PRRC2C: variants seen among roughly 807,000 people sequenced by gnomAD.
PRRC2C encodes the protein proline rich coiled-coil 2C.
PRRC2C carries 72 observed loss-of-function variants against 317.2 expected under a neutral mutation model. The ratio of observed to expected loss-of-function variants is 0.23; its 90% CI spans 0.19 to 0.28. The LOEUF is 0.28. Ranked by LOEUF, PRRC2C falls within the 10% of genes least tolerant of loss-of-function variation. The pLI is 1.00. For missense variants in PRRC2C, 3,074 were observed against 3,459.7 expected, an observed-to-expected ratio of 0.89 and a Z score of 2.80; for synonymous variants, 1,296 against 1,205.9, an observed-to-expected ratio of 1.07 and a Z score of -1.55.
intron 4 of PRRC2C, 149 bp downstream of exon 4, chr1:171,514,794 C>A: frequency 1.5e-6 from 1 of 688,438 alleles, no homozygotes; most frequent in Non-Finnish European, 2.4e-6. Context: ...TTTAAAAAAT[C>A]TCTTGGGCTA....
rs1677840426 is a variant in PRRC2C, at chr1:171,540,944, G to T, written c.3478G>T (p.Ala1160Ser). 1 of 1,613,770 alleles carries T rather than the reference G, an allele frequency of 6.2e-7. No individual in the cohort carries two copies. The highest frequency in any genetic ancestry group is 1.3e-5 in the African/African-American group (1 of 74,902). Residue 1160 changes from alanine to serine, a missense_variant, in exon 16 of 35, where the codon GCA (alanine) becomes TCA (serine). Ala to Ser is a moderately conservative substitution (Grantham distance 99). Transcript: ENST00000647382. ...IERPRPDSRP[A>S]VKKESTLPPR... ...GAGGCCTCGACCAGATTCAAGACCA[G>T]CAGTTAAAAAAGAATCAACTTTGCC...
chr1:171,502,268 G>C (rs1324031482), intron 1 of PRRC2C, among the ~76,000 whole-genome samples: 2 of 152,212 alleles, frequency 1.3e-5, no homozygotes, highest in African/African-American at 4.8e-5. Flanking sequence ...TGTGGGTACA[G>C]TTTAGAGACA....
intron 17 of PRRC2C, among the ~76,000 whole-genome samples, chr1:171,549,855 C>T (rs1182287000): frequency 6.6e-6 from 1 of 152,262 alleles, no homozygotes; most frequent in East Asian, 1.9e-4. Flanking sequence ...AGCCACTGCA[C>T]CTGGCCAGTT....
Position 171,530,570 on chromosome 1 carries a change from T to C in PRRC2C, c.1255-1773T>C, listed in dbSNP as rs187039709. 1.4e-4 allele frequency among the ~76,000 whole-genome samples: 21 copies of C among 152,198 alleles called. No homozygotes were observed. In the South Asian group the frequency reaches 4.4e-3, roughly 32 times the overall value. On this transcript the variant is annotated intron_variant, in intron 11 of 34. Transcript: ENST00000647382. ...CTGGGCCGTATTTTTATTTTTTTTT[T>C]AATATCTTACAACTCAATAATACGT...
chr1:171,591,090 T>C, intron 34 of PRRC2C: 1 of 762,748 alleles, frequency 1.3e-6, no homozygotes, highest in Non-Finnish European at 1.6e-6. Context: ...TGGTAGGAGC[T>C]ATCAGAACTT....
chr1:171,566,542 A>G, intron 21 of PRRC2C, 50 bp from the exon 22 acceptor site: 2 of 1,499,938 alleles, frequency 1.3e-6, no homozygotes, highest in Non-Finnish European at 1.8e-6. Flanking sequence ...CAATGATGAA[A>G]GATACTCATC....
intron 6 of PRRC2C, among the ~76,000 whole-genome samples, chr1:171,521,721 G>C (rs1464423976): frequency 6.6e-6 from 1 of 152,176 alleles, no homozygotes; most frequent in African/African-American, 2.4e-5. Flanking sequence ...TATGGAGGAA[G>C]GCCAACAGCA....
intron 1 of PRRC2C, among the ~76,000 whole-genome samples, chr1:171,494,145 C>T (rs1667691599): frequency 6.6e-6 from 1 of 152,240 alleles, no homozygotes; most frequent in South Asian, 2.1e-4. Flanking sequence ...CCCTGGCAAT[C>T]ACCTCATTAA....
chr1:171,560,441 C>T (rs1277796857), intron 19 of PRRC2C, among the ~76,000 whole-genome samples: 1 of 152,116 alleles, frequency 6.6e-6, no homozygotes, highest in Non-Finnish European at 1.5e-5. Flanking sequence ...TATGGGTAAA[C>T]AGTATCACAT....
chr1:171,541,436 T>C lies in PRRC2C; in HGVS notation c.3970T>C (p.Tyr1324His), dbSNP rs780606035. ...AGATAATAGACTGCTAGAAAAGCCT[T>C]ATGTAAGGGATGACGATAAAGCTAA... is the stretch of plus-strand genomic sequence containing the variant. ...RIDNRLLEKPYVRDDDKAKPG... is the reference protein window; with the variant it reads ...RIDNRLLEKPHVRDDDKAKPG... The change falls in exon 16 of 35, where the codon TAT becomes CAT. Residue 1324 changes from tyrosine (Y) to histidine (H), a missense_variant. Coordinates refer to ENST00000647382, the MANE Select transcript of PRRC2C (RefSeq NM_001387844.1). This position sits in a 1 kb window ranked among gnomAD's most constrained non-coding sequence, Gnocchi z 4.1. The C allele has an allele frequency of 2.5e-6, 4 of 1,613,868 alleles. No homozygotes were observed. Among genetic ancestry groups the C allele is most frequent in the Non-Finnish European group, 3.4e-6 (4 of 1,179,842 alleles).
At chr1:171,534,809 T>A (rs578027629) in intron 12 of PRRC2C, among the ~76,000 whole-genome samples, 1 of 152,314 alleles carries the variant, frequency 6.6e-6, no homozygotes, top group Admixed American at 6.5e-5. Context: ...TGCTTTTACA[T>A]TGGGAGATAA....
Position 171,591,845 on chromosome 1 carries a change from T to TA in PRRC2C, c.*1dup, listed in dbSNP as rs779217345. 1 of 1,398,500 alleles carries TA rather than the reference T, an allele frequency of 7.2e-7. No homozygotes were observed. Among genetic ancestry groups the TA allele is most frequent in the South Asian group, 1.2e-5 (1 of 86,580 alleles). The allele number at this position is 1,398,500 out of a possible 1,614,324, so 86.6% of individuals were successfully genotyped here. A position where few individuals can be genotyped will look rare whatever the true frequency, so the allele number is the denominator to read the frequency against. Residue 2899 remains the stop codon, a frameshift_variant and stop_retained_variant, in exon 35 of 35, where the codon TAA becomes TAAA. Transcript: ENST00000647382. LOFTEE classifies it high-confidence loss of function. ...GATCAAAACCGAAGAAACAAAATCT[T>TA]AAAGGCTATGGTTTATTGCAGGGGA... ...QAIKTEETKS[*] is the part of the protein sequence containing the mutation.
At chr1:171,577,159 A>T (rs371761794) in intron 25 of PRRC2C, among the ~76,000 whole-genome samples, 1 of 152,226 alleles carries the variant, frequency 6.6e-6, no homozygotes, top group Admixed American at 6.5e-5. Context: ...TAACAGTTAC[A>T]TAGGCTCTCA....
chr1:171,562,173 G>A (rs542216420), intron 20 of PRRC2C, among the ~76,000 whole-genome samples: 1 of 152,300 alleles, frequency 6.6e-6, no homozygotes, highest in African/African-American at 2.4e-5. Flanking sequence ...CTATTCAAAT[G>A]TCTGAGGAAA....
At chr1:171,509,503 C>T (rs928642913) in intron 1 of PRRC2C, 5 of 152,074 alleles carry the variant, frequency 3.3e-5, no homozygotes, top group African/African-American at 7.2e-5. Flanking sequence ...GAAAGATAAA[C>T]TTTCTGTATT....
chr1:171,515,928 G>A, intron 5 of PRRC2C, 69 bp downstream of exon 5: 4 of 1,457,108 alleles, frequency 2.7e-6, no homozygotes, highest in Non-Finnish European at 3.7e-6. Context: ...ACAACCTCCT[G>A]CTTGCTGTTG....
In PRRC2C at chr1:171,564,604, G is replaced by A. The variant is rs1683297127; in HGVS notation, c.6118-1629G>A. Among the ~76,000 whole-genome samples, 4 of 152,130 alleles carry A rather than the reference G, an allele frequency of 2.6e-5. No homozygotes were observed. The South Asian group carries it at 8.3e-4, about 32-fold the overall frequency. On this transcript the variant is annotated intron_variant, in intron 20 of 34. Transcript: ENST00000647382. ...CAACAGAGATACGTCCTGAGAAATG[G>A]GTCATTGTGTGAACATCATAGAGTC...
intron 11 of PRRC2C, among the ~76,000 whole-genome samples, chr1:171,530,446 A>G (rs563572835): frequency 6.6e-6 from 1 of 151,826 alleles, no homozygotes; most frequent in East Asian, 1.9e-4. Context: ...GGGTTTCGCC[A>G]TGTTGCCCAG....
Position 171,536,143 on chromosome 1 carries a change from T to C in PRRC2C, c.2158T>C (p.Tyr720His), listed in dbSNP as rs1288032521. Reference protein sequence around the residue: ...TVPPPPHRPLYQPMQPHPQHL... With the variant: ...TVPPPPHRPLHQPMQPHPQHL... ...CCCTCCTCCACCACACAGACCTCTT[T>C]ATCAGCCTATGCAGCCTCATCCTCA... Residue 720 changes from tyrosine to histidine, a missense_variant, in exon 14 of 35, where the codon TAT (tyrosine) becomes CAT (histidine). Around this residue, in one of 11 missense-constraint regions of PRRC2C, gnomAD observed 1,320 missense variants for 1,395.7 expected, o/e 0.95. Coordinates refer to ENST00000647382, the MANE Select transcript of PRRC2C (RefSeq NM_001387844.1). The C allele has an allele frequency of 1.9e-6, 3 of 1,598,356 alleles. No individual in the cohort carries two copies. Among genetic ancestry groups the C allele is most frequent in the Admixed American group, 1.7e-5 (1 of 57,434 alleles).
Sources: gnomAD v4.1 joint callset for allele counts (sites outside exome capture counted in the v4.1 genomes callset) on GRCh38, gnomAD v4.1.1 for gene constraint, gnomAD v4.1.1 regional missense constraint, Gnocchi (gnomAD v3.1) non-coding constraint, MANE v1.5 for transcripts, NCBI Gene and HGNC (gene_info 2026-07-23, HGNC 2026-07-21) for gene names.